The following ZNF469 variants were observed in gnomAD, a reference collection of about 807,000 sequenced individuals.
The protein encoded by ZNF469 is zinc finger protein 469.
Under a neutral mutation model 1.0 loss-of-function variants are expected in ZNF469, and 1 was observed. The ratio of observed to expected loss-of-function variants is 1.00; its 90% CI spans 0.35 to 4.73. ZNF469 has a LOEUF of 4.73. ZNF469 is among the 30% of genes most tolerant of loss of function. ZNF469 has a pLI of 0.16. For missense variants in ZNF469, 6,100 were observed against 5,356.3 expected, an observed-to-expected ratio of 1.14 and a Z score of -4.33; for synonymous variants, 2,703 against 2,363.4, an observed-to-expected ratio of 1.14 and a Z score of -4.17.
At chr16:88,389,263 G>A (rs574043621) in intron 1 of ZNF469, among the ~76,000 whole-genome samples, 1 of 152,338 alleles carries the variant, frequency 6.6e-6, no homozygotes, top group African/African-American at 2.4e-5. Flanking sequence ...CCTACATCCC[G>A]CTCGTTTGTG....
the ZNF469 span, among the ~76,000 whole-genome samples, chr16:88,118,653 C>T: frequency 6.6e-6 from 1 of 152,206 alleles, no homozygotes; most frequent in East Asian, 1.9e-4. Flanking sequence ...GGCTCAGATT[C>T]CCGACTCTAC....
At chr16:88,273,015 C>T in the ZNF469 span, among the ~76,000 whole-genome samples, 463 of 147,464 alleles carry the variant, frequency 3.1e-3, 4 homozygotes, top group African/African-American at 0.011. Flanking sequence ...GACGAGTGGA[C>T]GGATGGATGA....
chr16:88,142,776 C>T, the ZNF469 span, among the ~76,000 whole-genome samples: 1 of 152,260 alleles, frequency 6.6e-6, no homozygotes, highest in Non-Finnish European at 1.5e-5. Flanking sequence ...CTGTGGATCC[C>T]ACCCGAGGGT....
the ZNF469 span, among the ~76,000 whole-genome samples, chr16:88,226,146 G>A: frequency 0.29 from 44,450 of 151,982 alleles, 7,063 homozygotes; most frequent in Non-Finnish European, 0.34. Context: ...GGGGGTGGAG[G>A]GTGCTAAACG....
At chr16:88,269,424 C>T in the ZNF469 span, among the ~76,000 whole-genome samples, 2 of 152,282 alleles carry the variant, frequency 1.3e-5, no homozygotes, top group Admixed American at 6.5e-5. Flanking sequence ...CTGGTGTTTC[C>T]CACAGGAGAT....
Position 88,430,042 on chromosome 16 carries a change from C to A in ZNF469, c.2572C>A (p.Pro858Thr), listed in dbSNP as rs181719686. 2.2e-5 allele frequency: 34 copies of A among 1,550,394 alleles called. No individual in the cohort carries two copies. In the Admixed American group the frequency reaches 4.9e-4, roughly 22 times the overall value. The change falls in exon 3 of 3, where the codon CCG (proline) becomes ACG (threonine). Residue 858 changes from proline (P) to threonine (T), a missense_variant. Transcript: ENST00000565624. Reference sequence around the variant, plus strand: ...CGGCATGGAGTACCAGTCGGACAACCCGGAGATCGACAGCAGCTTCATCGA... The same window carrying A: ...CGGCATGGAGTACCAGTCGGACAACACGGAGATCGACAGCAGCTTCATCGA... The part of the protein sequence containing the change: ...LNGMEYQSDN[P>T]EIDSSFIDVF...
the ZNF469 span, among the ~76,000 whole-genome samples, chr16:88,343,651 A>G: frequency 6.6e-6 from 1 of 152,072 alleles, no homozygotes; most frequent in Non-Finnish European, 1.5e-5. Flanking sequence ...AGCACAGGGC[A>G]TCCATGGCAA....
chr16:88,198,816 T>C, the ZNF469 span, among the ~76,000 whole-genome samples: 2 of 152,230 alleles, frequency 1.3e-5, no homozygotes, highest in African/African-American at 2.4e-5. Flanking sequence ...GCGATGGCTC[T>C]GCTGGTCACG....
At chr16:88,127,414 T>C in the ZNF469 span, among the ~76,000 whole-genome samples, 1 of 152,276 alleles carries the variant, frequency 6.6e-6, no homozygotes, top group Non-Finnish European at 1.5e-5. Flanking sequence ...GCTTTCATTT[T>C]TATGGCGACT....
chr16:88,376,050 C>T, the ZNF469 span, among the ~76,000 whole-genome samples: 1 of 152,254 alleles, frequency 6.6e-6, no homozygotes, highest in East Asian at 1.9e-4. Flanking sequence ...CCCGCGTACA[C>T]TGAGGGCATT....
At chr16:88,412,378 G>A (rs531109268) in intron 1 of ZNF469, among the ~76,000 whole-genome samples, 1 of 151,768 alleles carries the variant, frequency 6.6e-6, no homozygotes, top group East Asian at 1.9e-4. Context: ...TGTGACCGCA[G>A]GCACCTCGCT....
chr16:88,104,653 C>T, the ZNF469 span, among the ~76,000 whole-genome samples: 1 of 152,242 alleles, frequency 6.6e-6, no homozygotes, highest in Admixed American at 6.5e-5. Flanking sequence ...CCTGCACCAC[C>T]CCAGATGTTC....
chr16:88,195,212 C>T, the ZNF469 span: 4 of 152,172 alleles, frequency 2.6e-5, no homozygotes, highest in African/African-American at 7.2e-5. Flanking sequence ...ATGGAACGTG[C>T]CTTCAGATGA....
the ZNF469 span, among the ~76,000 whole-genome samples, chr16:88,341,397 C>A: frequency 6.6e-6 from 1 of 152,286 alleles, no homozygotes; most frequent in South Asian, 2.1e-4. Flanking sequence ...CCTGCTGGGA[C>A]GTGCTGGGCA....
the ZNF469 span, among the ~76,000 whole-genome samples, chr16:88,337,715 CA>C: frequency 6.6e-6 from 1 of 152,220 alleles, no homozygotes; most frequent in Admixed American, 6.5e-5. Flanking sequence ...CCACGGGCGT[CA>C]GGGGCAGCTC....
chr16:88,141,774 G>A, the ZNF469 span, among the ~76,000 whole-genome samples: 5,908 of 152,266 alleles, frequency 0.039, 385 homozygotes, highest in African/African-American at 0.13. Context: ...AGCAGAGGTC[G>A]TGGTGACGTC....
chr16:88,276,348 G>A, the ZNF469 span: 2,022 of 152,328 alleles, frequency 0.013, 26 homozygotes, highest in Non-Finnish European at 0.021. Context: ...TCAGACAAGC[G>A]CCATCAAGCT....
At chr16:88,241,722 G>C in the ZNF469 span, among the ~76,000 whole-genome samples, 1 of 152,196 alleles carries the variant, frequency 6.6e-6, no homozygotes, top group Admixed American at 6.5e-5. The surrounding 1 kb of genome is among the most constrained non-coding windows in gnomAD (Gnocchi z 4.8). Flanking sequence ...ATGCACACTG[G>C]AACATGGGGA....
chr16:88,204,385 C>T, the ZNF469 span, among the ~76,000 whole-genome samples: 1 of 152,208 alleles, frequency 6.6e-6, no homozygotes, highest in African/African-American at 2.4e-5. Context: ...GGGAACTGGG[C>T]AGAGTGGGAT....
Sources: allele counts gnomAD v4.1 joint callset (sites outside exome capture counted in the v4.1 genomes callset), GRCh38; gene constraint gnomAD v4.1.1; non-coding constraint Gnocchi (gnomAD v3.1); transcripts MANE v1.5; gene names NCBI Gene and HGNC (gene_info 2026-07-23, HGNC 2026-07-21).